CENPP: variants seen among roughly 807,000 people sequenced by gnomAD.
CENPP encodes centromere protein P.
Under a neutral mutation model 35.6 loss-of-function variants are expected in CENPP, and 24 were observed. The observed-to-expected ratio is 0.67, with a 90% CI of 0.49 to 0.95. CENPP has a LOEUF of 0.95. Ranked by LOEUF, CENPP falls within the 40% of genes least tolerant of loss-of-function variation. The probability of loss-of-function intolerance (pLI) is 0.00; values close to 1 mark genes in which losing one functional copy is unlikely to be tolerated. For synonymous variants in CENPP, 120 were observed against 125.5 expected (o/e 0.96, Z 0.29); for missense variants, 332 against 345.3 (o/e 0.96, Z 0.31).
intron 5 of CENPP, among the ~76,000 whole-genome samples, chr9:92,432,865 G>A (rs1452293025): frequency 6.6e-6 from 1 of 152,112 alleles, no homozygotes; most frequent in Admixed American, 6.5e-5. Flanking sequence ...TTGAGGAGGT[G>A]CATATAGAAG....
chr9:92,389,815 TC>T lies in CENPP; in HGVS notation c.564+9957del, dbSNP rs1299502042. 2.3e-5 allele frequency: 31 copies of T among 1,332,896 alleles called. No homozygotes were observed. The African/African-American group carries it at 3.9e-4, about 17-fold the overall frequency. 82.6% of individuals were successfully genotyped at this position (1,332,896 alleles called of 1,614,324 possible). A position where few individuals can be genotyped will look rare whatever the true frequency, so the allele number is the denominator to read the frequency against. On this transcript the variant is annotated intron_variant, in intron 5 of 7. Coordinates refer to ENST00000375587, the MANE Select transcript of CENPP (RefSeq NM_001012267.3). The stretch of plus-strand genomic sequence containing the variant: ...AGTTTCTCTTTTATCTATCATATCA[TC>T]ACTCATACTATGCTTAGTTTTACTA...
chr9:92,341,435 G>A (rs764021971), intron 3 of CENPP, among the ~76,000 whole-genome samples: 1 of 151,988 alleles, frequency 6.6e-6, no homozygotes, highest in Non-Finnish European at 1.5e-5. Flanking sequence ...GGGGCATCAC[G>A]GATCCTACCA....
At chr9:92,525,871 G>A (rs73522321) in intron 5 of CENPP, among the ~76,000 whole-genome samples, 3,564 of 131,852 alleles carry the variant, frequency 0.027, 154 homozygotes, top group African/African-American at 0.097. Flanking sequence ...ACCATGCCCA[G>A]AGTGCAGAGA....
chr9:92,551,333 A>G (rs1849582578), intron 5 of CENPP, among the ~76,000 whole-genome samples: 1 of 152,036 alleles, frequency 6.6e-6, no homozygotes, highest in Non-Finnish European at 1.5e-5. Context: ...CCCCAAAATG[A>G]CGTCTGATGC....
chr9:92,583,731 A>T (rs1850483329), intron 5 of CENPP, among the ~76,000 whole-genome samples: 1 of 152,178 alleles, frequency 6.6e-6, no homozygotes, highest in Non-Finnish European at 1.5e-5. Context: ...ATTTTCAAGC[A>T]GGCTTTAGTG....
intron 5 of CENPP, among the ~76,000 whole-genome samples, chr9:92,390,587 T>TGTGTGTGTGTGC (rs749697394): frequency 4.7e-4 from 67 of 141,912 alleles, no homozygotes; most frequent in African/African-American, 1.6e-3. Flanking sequence ...TGTGTGTGTG[T>TGTGTGTGTGTGC]GCGCGCGCGC....
At chr9:92,460,902 C>T (rs908556645) in intron 5 of CENPP, among the ~76,000 whole-genome samples, 13 of 152,070 alleles carry the variant, frequency 8.5e-5, no homozygotes, top group African/African-American at 2.7e-4. Context: ...TGGTTTCAAA[C>T]TTCTGACCTC....
At chr9:92,484,363 G>A (rs1588170867) in intron 5 of CENPP, among the ~76,000 whole-genome samples, 1 of 152,200 alleles carries the variant, frequency 6.6e-6, no homozygotes, top group East Asian at 1.9e-4. Flanking sequence ...GAATCATACT[G>A]TGCATTCTCT....
intron 5 of CENPP, among the ~76,000 whole-genome samples, chr9:92,546,495 A>G (rs1849455263): frequency 6.6e-6 from 1 of 152,194 alleles, no homozygotes; most frequent in Admixed American, 6.5e-5. Context: ...CACTGGGAGA[A>G]AAGAACAACT....
chr9:92,479,035 C>T (rs548836908), intron 5 of CENPP, among the ~76,000 whole-genome samples: 19 of 152,154 alleles, frequency 1.2e-4, no homozygotes, highest in Non-Finnish European at 2.8e-4. Context: ...CCTTCAGCCT[C>T]GTGCCACCGT....
chr9:92,545,950 C>T (rs1849432692), intron 5 of CENPP, among the ~76,000 whole-genome samples: 1 of 151,956 alleles, frequency 6.6e-6, no homozygotes, highest in South Asian at 2.1e-4. Context: ...CCAATCAGCA[C>T]TCTGTCTAGC....
intron 5 of CENPP, among the ~76,000 whole-genome samples, chr9:92,556,723 T>A (rs540007690): frequency 6.6e-6 from 1 of 152,324 alleles, no homozygotes; most frequent in Non-Finnish European, 1.5e-5. Context: ...TGTATGTGAG[T>A]CCTTATGTGT....
intron 5 of CENPP, among the ~76,000 whole-genome samples, chr9:92,577,098 CT>C (rs77733506): frequency 0.011 from 1,722 of 152,286 alleles, 26 homozygotes; most frequent in African/African-American, 0.038. Context: ...TCATATACTG[CT>C]GATGGAACTG....
intron 5 of CENPP, among the ~76,000 whole-genome samples, chr9:92,544,064 T>C: frequency 6.6e-6 from 1 of 152,230 alleles, no homozygotes; most frequent in Non-Finnish European, 1.5e-5. Context: ...GGACTACCAG[T>C]TTTATGTTGA....
chr9:92,532,924 T>A (rs1848887644), intron 5 of CENPP, among the ~76,000 whole-genome samples: 1 of 152,054 alleles, frequency 6.6e-6, no homozygotes, highest in African/African-American at 2.4e-5. Context: ...AGAATTTGCG[T>A]CTGTTTCAGG....
intron 5 of CENPP, chr9:92,415,286 G>A (rs1170013600): frequency 6.2e-7 from 1 of 1,613,650 alleles, no homozygotes; most frequent in Non-Finnish European, 8.5e-7. Context: ...CTGAAAACTT[G>A]TGTCTTTAGT....
intron 5 of CENPP, among the ~76,000 whole-genome samples, chr9:92,399,662 T>C (rs1196956891): frequency 6.6e-6 from 1 of 152,244 alleles, no homozygotes; most frequent in African/African-American, 2.4e-5. Context: ...TTCAGATTGC[T>C]AATCTATTTG....
chr9:92,556,201 G>GTTGA (rs1287990271), intron 5 of CENPP, among the ~76,000 whole-genome samples: 1 of 152,136 alleles, frequency 6.6e-6, no homozygotes, highest in Non-Finnish European at 1.5e-5. Context: ...TGGTTTTGAA[G>GTTGA]TTTCCTTTTG....
intron 5 of CENPP, among the ~76,000 whole-genome samples, chr9:92,585,366 CA>C (rs1396719481): frequency 1.3e-5 from 2 of 152,156 alleles, no homozygotes; most frequent in Non-Finnish European, 2.9e-5. Flanking sequence ...GATAGAGAAT[CA>C]AAAGTCTGGC....
Sources: allele counts gnomAD v4.1 joint callset (sites outside exome capture counted in the v4.1 genomes callset), GRCh38; gene constraint gnomAD v4.1.1; transcripts MANE v1.5; gene names NCBI Gene and HGNC (gene_info 2026-07-23, HGNC 2026-07-21).